The following KRT6C variants were observed in gnomAD, a reference collection of about 807,000 sequenced individuals.
KRT6C encodes the protein keratin 6C.
KRT6C carries 46 observed loss-of-function variants against 49.4 expected under a neutral mutation model. The observed-to-expected ratio is 0.93, with a 90% CI of 0.74 to 1.19. KRT6C has a LOEUF of 1.19. Among genes scored for constraint, KRT6C ranks in the 50% most tolerant of loss-of-function variants. KRT6C has a pLI of 0.00. For missense variants in KRT6C, 552 were observed against 737.5 expected, an observed-to-expected ratio of 0.75 and a Z score of 2.91; for synonymous variants, 236 against 297.1, an observed-to-expected ratio of 0.79 and a Z score of 2.12.
rs1374895879 is a variant in KRT6C, at chr12:52,469,794, G to A, written c.1300C>T (p.Leu434=). 1 of 1,614,114 alleles carries A rather than the reference G, an allele frequency of 6.2e-7. No homozygotes were observed. The highest frequency in any genetic ancestry group is 1.3e-5 in the African/African-American group (1 of 75,020). Residue 434 remains leucine (L), a synonymous_variant, in exon 7 of 9, where the codon CTG becomes TTG. Transcript: ENST00000252250. Reference sequence around the variant, plus strand: ...GCCAGGTCCTGCTTGGCCTTCTGCAGGGCATCCTCCAGCCCTTCCAGCTTG... The same window carrying A: ...GCCAGGTCCTGCTTGGCCTTCTGCAAGGCATCCTCCAGCCCTTCCAGCTTG... ...KNKLEGLEDA[L]QKAKQDLARL...
chr12:52,470,439 G>A, intron 6 of KRT6C, 66 bp downstream of exon 6: 3 of 1,612,662 alleles, frequency 1.9e-6, no homozygotes, highest in African/African-American at 1.3e-5. Context: ...TCAAATAATG[G>A]CTAATGACTG....
intron 6 of KRT6C, 200 bp downstream of exon 6, chr12:52,470,305 G>T: frequency 2.3e-6 from 2 of 878,630 alleles, no homozygotes; most frequent in Non-Finnish European, 3.6e-6. Context: ...TTGAGACCTG[G>T]CCTTGCTTGT....
Position 52,468,945 on chromosome 12 carries a change from T to C in KRT6C, c.*117A>G. On this transcript the variant is annotated 3_prime_UTR_variant, in exon 9 of 9. Coordinates refer to ENST00000252250, the MANE Select transcript of KRT6C (RefSeq NM_173086.5). ...AGGGCACTAAGCATCCATACCCAGC[T>C]CTACCTCGGAGAGCAGGGAAGACTA... is the stretch of plus-strand genomic sequence containing the variant. 1.5e-6 allele frequency: 2 copies of C among 1,343,658 alleles called. No homozygotes were observed. The highest frequency in any genetic ancestry group is 2.1e-6 in the Non-Finnish European group (2 of 958,980). The allele number at this position is 1,343,658 out of a possible 1,614,324, so 83.2% of individuals were successfully genotyped here.
chr12:52,472,355 A>T, intron 1 of KRT6C, 75 bp from the exon 2 acceptor site: 1 of 1,245,164 alleles, frequency 8.0e-7, no homozygotes, highest in Non-Finnish European at 1.1e-6. Context: ...GTTTCCTGGC[A>T]GGTCTTGGAG....
rs754270948 is a variant in KRT6C, at chr12:52,469,298, C to T, written c.1460-1G>A. ...CTGGAGATGGTGGACTGTACTACAG[C>T]TGTGGTGGGGAGGGGACAAGGACAC... On this transcript the variant is annotated splice_acceptor_variant, in intron 8 of 8. Transcript: ENST00000252250. LOFTEE classifies it high-confidence loss of function. 6.2e-7 allele frequency: 1 copy of T among 1,613,988 alleles called. No homozygotes were observed. The highest frequency in any genetic ancestry group is 8.5e-7 in the Non-Finnish European group (1 of 1,179,868).
chr12:52,469,548 C>T (rs968862186), intron 7 of KRT6C, 103 bp from the exon 8 acceptor site: 53 of 1,612,560 alleles, frequency 3.3e-5, no homozygotes, highest in Non-Finnish European at 3.8e-5. Context: ...GGAAACTGCT[C>T]TTTTAGTTTT....
In KRT6C at chr12:52,473,562, C is replaced by T. The variant is rs766809405; in HGVS notation, c.176G>A (p.Arg59His). Reference sequence around the variant, plus strand: ...GGAGCCCCCCAGGCCATACAGACTGCGGCTGCCAAAGCCAGCTCCTCCACA... The same window carrying T: ...GGAGCCCCCCAGGCCATACAGACTGTGGCTGCCAAAGCCAGCTCCTCCACA... ...GACGGAGFGS[R>H]SLYGLGGSKR... Residue 59 changes from arginine (R) to histidine (H), a missense_variant, in exon 1 of 9, where the codon CGC becomes CAC. By Grantham distance (29) the Arg-to-His change is conservative. Transcript: ENST00000252250. The T allele has an allele frequency of 1.1e-5, 17 of 1,593,936 alleles. No individual in the cohort carries two copies. The highest frequency in any genetic ancestry group is 5.5e-5 in the South Asian group (5 of 90,136).
intron 5 of KRT6C, 75 bp downstream of exon 5, chr12:52,471,057 C>G: frequency 6.2e-7 from 1 of 1,612,820 alleles, no homozygotes; most frequent in Non-Finnish European, 8.5e-7. Context: ...GGGATGTCCC[C>G]AGTGAAGTCT....
At chr12:52,470,434 T>A in intron 6 of KRT6C, 71 bp downstream of exon 6, 1 of 1,612,988 alleles carries the variant, frequency 6.2e-7, no homozygotes, top group South Asian at 1.1e-5. Flanking sequence ...TTATATCAAA[T>A]AATGGCTAAT....
rs1937822930 is a variant in KRT6C, at chr12:52,469,064, A to G, written c.1693T>C (p.Ter565GlnextTer58). The G allele has an allele frequency of 1.9e-6, 3 of 1,613,978 alleles. No individual in the cohort carries two copies. The South Asian group carries it at 3.3e-5, about 18-fold the overall frequency. ...GACCGAGAGCTGGAGGCAGCACTTTAGTGCTTGTAGCTCTTCCTGCTGGAG... is the reference window on the plus strand; with the variant it reads ...GACCGAGAGCTGGAGGCAGCACTTTGGTGCTTGTAGCTCTTCCTGCTGGAG... ...SSSSRKSYKH[*>Q] Residue 565 changes from the stop codon to glutamine, a stop_lost, in exon 9 of 9, where the codon TAA (stop) becomes CAA (glutamine). Transcript: ENST00000252250.
chr12:52,468,766 C>T lies in KRT6C; in HGVS notation c.*296G>A. On this transcript the variant is annotated 3_prime_UTR_variant, in exon 9 of 9. Transcript: ENST00000252250. ...ACAGAGATCATTTTCTTATAATGCT[C>T]AGCCTCAGAGAGAACAATTTTGGAG... 2.3e-6 allele frequency: 1 copy of T among 428,114 alleles called. No individual in the cohort carries two copies. The highest frequency in any genetic ancestry group is 4.2e-6 in the Non-Finnish European group (1 of 238,640). 26.5% of individuals were successfully genotyped at this position (428,114 alleles called of 1,614,324 possible).
At position 52,472,259 on chromosome 12, in the gene KRT6C, T is replaced by C. The variant is rs144159607; in HGVS notation, c.562A>G (p.Asn188Asp). ...GTCCACTTGGTGTCCAGAACCTTGTTCTGCTGCTCTAGGAACCGCACCTGG... is the reference window on the plus strand; with the variant it reads ...GTCCACTTGGTGTCCAGAACCTTGTCCTGCTGCTCTAGGAACCGCACCTGG... ...IDKVRFLEQQNKVLDTKWTLL... is the reference protein window; with the variant it reads ...IDKVRFLEQQDKVLDTKWTLL... The change falls in exon 2 of 9, where the codon AAC becomes GAC. Residue 188 changes from asparagine to aspartate, a missense_variant. This residue lies in a region of KRT6C where 54 missense variants were observed against 195.9 expected (regional missense o/e 0.28). Transcript: ENST00000252250. 26 of 1,419,364 alleles carry C rather than the reference T, an allele frequency of 1.8e-5. 4 individuals are homozygous for C. The highest frequency in any genetic ancestry group is 2.4e-5 in the Non-Finnish European group (25 of 1,027,284). The allele number at this position is 1,419,364 out of a possible 1,614,324, so 87.9% of individuals were successfully genotyped here.
At chr12:52,470,005 T>C (rs1592176635) in intron 6 of KRT6C, 115 bp from the exon 7 acceptor site, 1 of 1,166,054 alleles carries the variant, frequency 8.6e-7, no homozygotes, top group Middle Eastern at 2.5e-4. Flanking sequence ...GAGCTTTGAC[T>C]CTTCCTGTCC....
At chr12:52,469,478 C>G in intron 7 of KRT6C, 33 bp from the exon 8 acceptor site, 1 of 1,613,962 alleles carries the variant, frequency 6.2e-7, no homozygotes, top group Non-Finnish European at 8.5e-7. Context: ...GGTGAGACCT[C>G]AGAGAGCTCT....
chr12:52,470,387 A>G, intron 6 of KRT6C, 118 bp downstream of exon 6: 1 of 1,565,270 alleles, frequency 6.4e-7, no homozygotes. Flanking sequence ...AGAACTACAC[A>G]TGTTCCTCAC....
rs371815641 is a variant in KRT6C at position 52,473,679 on chromosome 12, G to A, written c.59C>T (p.Ala20Val). ...SHSSSRRGFSANSARLPGVSR... is the reference protein window; with the variant it reads ...SHSSSRRGFSVNSARLPGVSR... ...GACCCCAGGGAGCCTGGCTGAGTTG[G>A]CACTGAAACCCCGGCGGCTGCTGCT... The change falls in exon 1 of 9, where the codon GCC becomes GTC. Residue 20 changes from alanine to valine, a missense_variant. By Grantham distance (64) the Ala-to-Val change is moderately conservative. Transcript: ENST00000252250. The A allele has an allele frequency of 8.1e-6, 13 of 1,613,246 alleles. No individual in the cohort carries two copies. The highest frequency in any genetic ancestry group is 1.7e-5 in the Admixed American group (1 of 59,926).
At chr12:52,470,340 TG>T in intron 6 of KRT6C, 164 bp downstream of exon 6, 1 of 1,262,488 alleles carries the variant, frequency 7.9e-7, no homozygotes, top group Non-Finnish European at 1.1e-6. Flanking sequence ...TCCTCTTGGG[TG>T]GGATTCACTT....
At chr12:52,469,917 C>T in intron 6 of KRT6C, 27 bp from the exon 7 acceptor site, 1 of 1,613,614 alleles carries the variant, frequency 6.2e-7, no homozygotes, top group South Asian at 1.1e-5. Context: ...AGAGAAGGAA[C>T]TTCTTGTCTG....
chr12:52,468,672 G>A lies in KRT6C; in HGVS notation c.*390C>T, dbSNP rs144744556. On this transcript the variant is annotated 3_prime_UTR_variant, in exon 9 of 9. Coordinates refer to ENST00000252250, the MANE Select transcript of KRT6C (RefSeq NM_173086.5). ...CAATACTTTTAACTTAGGGAGTTTG[G>A]GGGCCAATGGAAAATAAGTGGAAGT... 1.3e-3 allele frequency: 361 copies of A among 270,726 alleles called. No individual in the cohort carries two copies. The highest frequency in any genetic ancestry group is 7.2e-3 in the African/African-American group (329 of 45,936). 16.8% of individuals were successfully genotyped at this position (270,726 alleles called of 1,614,324 possible).
Sources: allele counts gnomAD v4.1 joint callset, GRCh38; gene constraint gnomAD v4.1.1; regional missense constraint gnomAD v4.1.1; transcripts MANE v1.5; gene names NCBI Gene and HGNC (gene_info 2026-07-23, HGNC 2026-07-21).